The following GLYAT variants were observed in gnomAD, a reference collection of about 807,000 sequenced individuals.
GLYAT encodes glycine-N-acyltransferase.
Under a neutral mutation model 22.8 loss-of-function variants are expected in GLYAT, and 25 were observed. The observed-to-expected ratio is 1.09, with a 90% confidence interval of 0.80 to 1.53. The LOEUF (loss-of-function observed/expected upper bound fraction) is 1.53, where lower values mean the gene tolerates loss of function less well. Ranked by LOEUF, GLYAT falls within the 40% of genes most tolerant of loss-of-function variation. GLYAT has a pLI of 0.00. For synonymous variants in GLYAT, 140 were observed against 122.7 expected (o/e 1.14, Z -0.93); for missense variants, 411 against 353.9 (o/e 1.16, Z -1.29).
At position 58,723,486 on chromosome 11, in the gene GLYAT, G is replaced by A. The variant is rs528009482; in HGVS notation, c.81+930C>T. On this transcript the variant is annotated intron_variant, in intron 2 of 5. Transcript: ENST00000344743. ...ACTATATAATCACAAATAAAAGAATGCTAATATTTTCTCCTTTATACTGAA... is the reference window on the plus strand; with the variant it reads ...ACTATATAATCACAAATAAAAGAATACTAATATTTTCTCCTTTATACTGAA... Among the ~76,000 whole-genome samples, 18 of 152,102 alleles carry A rather than the reference G, an allele frequency of 1.2e-4. No homozygotes were observed. The South Asian group carries it at 3.5e-3, about 30-fold the overall frequency.
intron 1 of GLYAT, among the ~76,000 whole-genome samples, chr11:58,730,691 C>T (rs917328252): frequency 2.6e-5 from 4 of 152,070 alleles, no homozygotes; most frequent in Non-Finnish European, 5.9e-5. Flanking sequence ...TCACTTGAGC[C>T]CACAGCAAGT....
At position 58,712,869 on chromosome 11, in the gene GLYAT, A is replaced by T; in HGVS notation, c.207T>A (p.Leu69=). 1.9e-6 allele frequency: 3 copies of T among 1,603,214 alleles called. No homozygotes were observed. The highest frequency in any genetic ancestry group is 2.6e-6 in the Non-Finnish European group (3 of 1,170,264). The change falls in exon 4 of 6, where the codon CTT becomes CTA. Residue 69 remains leucine, a synonymous_variant. Transcript: ENST00000344743. ...TTTGGTAAGTATTGGTATAGTGATC[A>T]AGGTCATCTGTCATATCCTGTTATC... ...CPQEQDMTDD[L]DHYTNTYQIY...
chr11:58,710,211 G>T, intron 5 of GLYAT, 43 bp from the exon 6 acceptor site: 1 of 1,559,170 alleles, frequency 6.4e-7, no homozygotes, highest in South Asian at 1.2e-5. Context: ...TTAGTATAAA[G>T]GTTTGTATTT....
chr11:58,726,115 T>C (rs1170224583), intron 1 of GLYAT, among the ~76,000 whole-genome samples: 2 of 151,972 alleles, frequency 1.3e-5, no homozygotes, highest in Non-Finnish European at 2.9e-5. Context: ...GCACTGGCTG[T>C]GACCAATTAT....
At chr11:58,712,943 T>G in intron 3 of GLYAT, 57 bp from the exon 4 acceptor site, 2 of 1,145,156 alleles carry the variant, frequency 1.7e-6, no homozygotes, top group Non-Finnish European at 2.5e-6. Context: ...TGATTACATA[T>G]AATTTTATAC....
chr11:58,712,292 C>T (rs1275784307), intron 4 of GLYAT, among the ~76,000 whole-genome samples: 1 of 152,100 alleles, frequency 6.6e-6, no homozygotes, highest in Non-Finnish European at 1.5e-5. Flanking sequence ...GGAACATAAT[C>T]TCAGAGAGAT....
chr11:58,725,201 G>A (rs1213055599), intron 1 of GLYAT, among the ~76,000 whole-genome samples: 1 of 152,094 alleles, frequency 6.6e-6, no homozygotes, highest in Non-Finnish European at 1.5e-5. Context: ...CTTTCACCAA[G>A]CCTCACACTT....
At chr11:58,712,122 C>T (rs980651617) in intron 4 of GLYAT, among the ~76,000 whole-genome samples, 3 of 152,220 alleles carry the variant, frequency 2.0e-5, no homozygotes, top group Non-Finnish European at 4.4e-5. Flanking sequence ...TTGCAAAGCT[C>T]AGCCCAAATG....
At chr11:58,718,058 A>G (rs1380568433) in intron 2 of GLYAT, among the ~76,000 whole-genome samples, 1 of 152,020 alleles carries the variant, frequency 6.6e-6, no homozygotes, top group South Asian at 2.1e-4. Flanking sequence ...GACTGTGTAC[A>G]CAAAATATAT....
In GLYAT at chr11:58,710,933, C is replaced by T. The variant is rs114125975; in HGVS notation, c.317-172G>A. Among the ~76,000 whole-genome samples the T allele has an allele frequency of 4.9e-3, 748 of 152,264 alleles. 4 individuals are homozygous for T. Among genetic ancestry groups the T allele is most frequent in the African/African-American group, 0.017 (709 of 41,554 alleles). ...AATTTAAAAAGTGAAGATTCCTCTT[C>T]AAAAAGACTTCCCTCCCCATCTAAT... On this transcript the variant is annotated intron_variant, in intron 4 of 5. Coordinates refer to ENST00000344743, the MANE Select transcript of GLYAT (RefSeq NM_201648.3).
chr11:58,722,660 T>C (rs1483191862), intron 2 of GLYAT, among the ~76,000 whole-genome samples: 1 of 152,108 alleles, frequency 6.6e-6, no homozygotes, highest in Non-Finnish European at 1.5e-5. Context: ...GGAGGCAAGT[T>C]TGCCCTAAGC....
rs545252356 is a variant in GLYAT at position 58,722,714 on chromosome 11, A to AT, written c.81+1701dup. Among the ~76,000 whole-genome samples, 5 of 152,214 alleles carry AT rather than the reference A, an allele frequency of 3.3e-5. No individual in the cohort carries two copies. In the South Asian group the frequency reaches 1.0e-3, roughly 32 times the overall value. On this transcript the variant is annotated intron_variant, in intron 2 of 5. Coordinates refer to ENST00000344743, the MANE Select transcript of GLYAT (RefSeq NM_201648.3). Reference sequence around the variant, plus strand: ...TCTTTAGTGATTTTGGGGGCCCAAGATATTTTCCTTTCACACTAGTGAACA... The same window carrying AT: ...TCTTTAGTGATTTTGGGGGCCCAAGATTATTTTCCTTTCACACTAGTGAACA...
intron 2 of GLYAT, among the ~76,000 whole-genome samples, chr11:58,718,074 T>C (rs1010158928): frequency 1.2e-4 from 19 of 152,014 alleles, no homozygotes; most frequent in African/African-American, 3.1e-4. Flanking sequence ...TATATGGACA[T>C]TTTTTTCAAG....
intron 1 of GLYAT, among the ~76,000 whole-genome samples, chr11:58,726,815 C>T (rs1031541977): frequency 2.0e-5 from 3 of 151,926 alleles, no homozygotes; most frequent in Non-Finnish European, 2.9e-5. Context: ...TAGGAGGAAG[C>T]GAGAAAAACC....
intron 1 of GLYAT, among the ~76,000 whole-genome samples, chr11:58,724,992 A>G (rs1184213678): frequency 6.6e-6 from 1 of 152,012 alleles, no homozygotes; most frequent in East Asian, 1.9e-4. Context: ...TAAGCACTGA[A>G]CATTTGTTAT....
At chr11:58,730,839 T>C (rs910550543) in intron 1 of GLYAT, among the ~76,000 whole-genome samples, 18 of 152,190 alleles carry the variant, frequency 1.2e-4, no homozygotes, top group African/African-American at 3.9e-4. Context: ...GAACAAAATC[T>C]CTATGTGCCT....
At chr11:58,715,755 A>G (rs557935865) in intron 2 of GLYAT, among the ~76,000 whole-genome samples, 1 of 152,294 alleles carries the variant, frequency 6.6e-6, no homozygotes, top group Non-Finnish European at 1.5e-5. Context: ...CATACAAAAT[A>G]ATTTTCAATT....
chr11:58,720,698 A>G (rs1330253221), intron 2 of GLYAT, among the ~76,000 whole-genome samples: 1 of 152,004 alleles, frequency 6.6e-6, no homozygotes, highest in Non-Finnish European at 1.5e-5. Flanking sequence ...TTTTCATTAA[A>G]CCCATATCAA....
intron 3 of GLYAT, among the ~76,000 whole-genome samples, chr11:58,713,697 A>C (rs1482256479): frequency 6.6e-6 from 1 of 152,252 alleles, no homozygotes; most frequent in East Asian, 1.9e-4. Context: ...AAGGTGGATG[A>C]AAATATTACC....
Sources: gnomAD v4.1 joint callset for allele counts (sites outside exome capture counted in the v4.1 genomes callset) on GRCh38, gnomAD v4.1.1 for gene constraint, MANE v1.5 for transcripts, NCBI Gene and HGNC (gene_info 2026-07-23, HGNC 2026-07-21) for gene names.